The following CACNA2D3 variants were observed in gnomAD, a reference collection of about 807,000 sequenced individuals.
CACNA2D3 encodes voltage-dependent calcium channel subunit alpha-2/delta-3.
A neutral mutation model predicts 160.6 loss-of-function variants in CACNA2D3; 60 were observed. That is an observed-to-expected ratio of 0.37 (90% CI 0.30 to 0.46). The LOEUF is 0.46. CACNA2D3 is among the 20% of genes least tolerant of loss of function. The pLI is 1.00. For synonymous variants in CACNA2D3, 558 were observed against 492.9 expected (o/e 1.13, Z -1.75); for missense variants, 1,205 against 1,365.0 (o/e 0.88, Z 1.85).
At chr3:54,872,234 C>T (rs1178658133) in intron 18 of CACNA2D3, among the ~76,000 whole-genome samples, 1 of 152,174 alleles carries the variant, frequency 6.6e-6, no homozygotes. Flanking sequence ...CAAAAGCTCT[C>T]CTTATACCCA....
At chr3:54,242,972 T>C (rs776962740) in intron 2 of CACNA2D3, among the ~76,000 whole-genome samples, 1 of 152,196 alleles carries the variant, frequency 6.6e-6, no homozygotes, top group Non-Finnish European at 1.5e-5. Context: ...TGTGAAAATA[T>C]GGAAAAGCTC....
chr3:54,165,114 A>ATT (rs397961895), intron 2 of CACNA2D3, among the ~76,000 whole-genome samples: 33,282 of 117,404 alleles, frequency 0.28, 5,367 homozygotes, highest in East Asian at 0.36. Context: ...TCTGAATCTC[A>ATT]TTTTTTTTTT....
intron 4 of CACNA2D3, among the ~76,000 whole-genome samples, chr3:54,442,837 C>T (rs566931531): frequency 6.6e-6 from 1 of 152,274 alleles, no homozygotes; most frequent in Non-Finnish European, 1.5e-5. Context: ...AACAGAGGGT[C>T]CTGTCGTACC....
intron 3 of CACNA2D3, among the ~76,000 whole-genome samples, chr3:54,371,804 T>C (rs1698930405): frequency 6.6e-6 from 1 of 152,254 alleles, no homozygotes; most frequent in South Asian, 2.1e-4. Context: ...CACTCTGATA[T>C]CTTCAATTTT....
chr3:54,744,244 C>T (rs982520261), intron 11 of CACNA2D3, among the ~76,000 whole-genome samples: 13 of 152,282 alleles, frequency 8.5e-5, no homozygotes, highest in Non-Finnish European at 1.3e-4. Context: ...TTGGTGAGCA[C>T]ATCCACTAAG....
At chr3:54,446,724 C>G (rs979453201) in intron 4 of CACNA2D3, among the ~76,000 whole-genome samples, 1 of 152,126 alleles carries the variant, frequency 6.6e-6, no homozygotes, top group Admixed American at 6.5e-5. Context: ...CTCTCAGAAT[C>G]TAGCCTGAGG....
At chr3:54,224,928 G>A (rs767623950) in intron 2 of CACNA2D3, among the ~76,000 whole-genome samples, 17 of 143,646 alleles carry the variant, frequency 1.2e-4, no homozygotes, top group Non-Finnish European at 2.3e-4. Flanking sequence ...TCCTGAATTT[G>A]TGACTGAATA....
intron 4 of CACNA2D3, among the ~76,000 whole-genome samples, chr3:54,457,173 G>C (rs1700413979): frequency 6.6e-6 from 1 of 151,484 alleles, no homozygotes; most frequent in Non-Finnish European, 1.5e-5. Flanking sequence ...AATCTTTCTA[G>C]TTTTTTTGAT....
intron 4 of CACNA2D3, among the ~76,000 whole-genome samples, chr3:54,406,022 CTG>C (rs1183565359): frequency 1.3e-5 from 2 of 152,010 alleles, no homozygotes; most frequent in African/African-American, 2.4e-5. Flanking sequence ...GTTAGGATAA[CTG>C]TTGTCAAAAA....
chr3:54,618,374 T>TATATATATATACACACACACAC, intron 9 of CACNA2D3, among the ~76,000 whole-genome samples: 2 of 54,588 alleles, frequency 3.7e-5, no homozygotes, highest in Admixed American at 4.5e-4. Context: ...TATATATATA[T>TATATATATATACACACACACAC]GCACACACAC....
At chr3:54,289,434 C>CGA (rs1703124091) in intron 2 of CACNA2D3, among the ~76,000 whole-genome samples, 1 of 152,116 alleles carries the variant, frequency 6.6e-6, no homozygotes, top group African/African-American at 2.4e-5. Flanking sequence ...AAGAACATTC[C>CGA]ATGCTCATGG....
At chr3:55,059,007 A>T (rs1432739835) in intron 35 of CACNA2D3, among the ~76,000 whole-genome samples, 2 of 152,200 alleles carry the variant, frequency 1.3e-5, no homozygotes, top group African/African-American at 4.8e-5. Flanking sequence ...TGGTACACTT[A>T]ACAAAAATAT....
intron 27 of CACNA2D3, among the ~76,000 whole-genome samples, chr3:54,900,250 A>G (rs1330311919): frequency 2.0e-5 from 3 of 152,162 alleles, no homozygotes; most frequent in Non-Finnish European, 4.4e-5. Flanking sequence ...GTTTTAGGCA[A>G]ACACAAACTG....
intron 9 of CACNA2D3, among the ~76,000 whole-genome samples, chr3:54,600,042 AAC>A (rs1703033856): frequency 6.6e-6 from 1 of 152,298 alleles, no homozygotes. Context: ...TTTTGCCTGA[AAC>A]ACTTTCGGAC....
intron 5 of CACNA2D3, among the ~76,000 whole-genome samples, chr3:54,556,666 G>A (rs1027926570): frequency 2.0e-5 from 3 of 152,138 alleles, no homozygotes; most frequent in Admixed American, 1.3e-4. Flanking sequence ...CTAAAGAACC[G>A]CAAGTAAAGC....
chr3:54,743,755 TG>T (rs1218817728), intron 11 of CACNA2D3, among the ~76,000 whole-genome samples: 4 of 152,324 alleles, frequency 2.6e-5, no homozygotes, highest in African/African-American at 9.6e-5. Context: ...TGTCACCACT[TG>T]ATCTCTCAGT....
intron 3 of CACNA2D3, among the ~76,000 whole-genome samples, chr3:54,381,950 A>G (rs1412679186): frequency 6.6e-6 from 1 of 152,214 alleles, no homozygotes; most frequent in Non-Finnish European, 1.5e-5. Flanking sequence ...CAAGTCGAGC[A>G]TGTGTATTCC....
chr3:54,994,470 A>G (rs3773575), intron 31 of CACNA2D3, among the ~76,000 whole-genome samples: 5,590 of 152,218 alleles, frequency 0.037, 155 homozygotes, highest in Middle Eastern at 0.082. Flanking sequence ...ATTGGTTTGG[A>G]CAAGTATATT....
At chr3:54,242,380 T>G (rs1052590813) in intron 2 of CACNA2D3, among the ~76,000 whole-genome samples, 4 of 151,982 alleles carry the variant, frequency 2.6e-5, no homozygotes, top group Non-Finnish European at 5.9e-5. Context: ...GAGGCAGAGG[T>G]TGCGGCGAGC....
Sources: gnomAD v4.1 joint callset for allele counts (sites outside exome capture counted in the v4.1 genomes callset) on GRCh38, gnomAD v4.1.1 for gene constraint, MANE v1.5 for transcripts, NCBI Gene and HGNC (gene_info 2026-07-23, HGNC 2026-07-21) for gene names.